Variants in CDKL5 observed in about 807,000 individuals in gnomAD.
CDKL5 encodes the protein cyclin dependent kinase like 5, also known as cyclin-dependent kinase-like 5.
A neutral mutation model predicts 61.7 loss-of-function variants in CDKL5; 8 were observed. The ratio of observed to expected loss-of-function variants is 0.13; its 90% CI spans 0.08 to 0.23. CDKL5 has a LOEUF of 0.23. CDKL5 is among the 10% of genes least tolerant of loss of function. CDKL5 has a pLI of 1.00. For synonymous variants in CDKL5, 275 were observed against 272.3 expected, an observed-to-expected ratio of 1.01 and a Z score of -0.10; for missense variants, 440 against 734.5, an observed-to-expected ratio of 0.60 and a Z score of 4.63.
In CDKL5 at chrX:18,634,809, C is replaced by A; in HGVS notation, c.*6052C>A. ...GAATTGCTTTGTGCCATTTTGAATT[C>A]AGGTAGTTATTCTGTATATACTTAG... is the stretch of plus-strand genomic sequence containing the variant. On this transcript the variant is annotated 3_prime_UTR_variant, in exon 18 of 18. Coordinates refer to ENST00000623535, the MANE Select transcript of CDKL5 (RefSeq NM_001323289.2). 1.3e-6 allele frequency: 1 copy of A among 751,936 alleles called. No homozygotes were observed. Among genetic ancestry groups the A allele is most frequent in the Non-Finnish European group, 1.6e-6 (1 of 637,762 alleles). 62.0% of individuals were successfully genotyped at this position (751,936 alleles called of 1,213,427 possible).
intron 1 of CDKL5, among the ~76,000 whole-genome samples, chrX:18,505,342 A>G (rs1922540570): frequency 8.9e-6 from 1 of 112,281 alleles, no homozygotes; most frequent in Admixed American, 9.5e-5. Flanking sequence ...AAGTACTAAT[A>G]TGAAAATTAG....
chrX:18,552,237 CAA>C (rs777290725), intron 3 of CDKL5, among the ~76,000 whole-genome samples: 8 of 38,736 alleles, frequency 2.1e-4, no homozygotes, highest in Non-Finnish European at 2.5e-4. Context: ...GACTCCGTCT[CAA>C]AAAAAAAAAA....
intron 1 of CDKL5, among the ~76,000 whole-genome samples, chrX:18,499,979 A>G (rs1274589242): frequency 9.0e-6 from 1 of 111,484 alleles, no homozygotes; most frequent in African/African-American, 3.3e-5. Context: ...AACCACCTTA[A>G]TCCAAAGTAC....
chrX:18,480,024 A>G (rs751767968), intron 1 of CDKL5, among the ~76,000 whole-genome samples: 8 of 112,509 alleles, frequency 7.1e-5, no homozygotes, highest in Non-Finnish European at 1.3e-4. Flanking sequence ...GGTATGATAC[A>G]TTCATTCTAA....
chrX:18,474,482 A>G (rs1921228773), intron 1 of CDKL5, among the ~76,000 whole-genome samples: 1 of 112,007 alleles, frequency 8.9e-6, no homozygotes. Flanking sequence ...ATAGAAGTTT[A>G]TCACTTGTGG....
At chrX:18,568,742 A>G (rs1925047805) in intron 4 of CDKL5, among the ~76,000 whole-genome samples, 1 of 110,157 alleles carries the variant, frequency 9.1e-6, no homozygotes, top group Admixed American at 9.8e-5. Flanking sequence ...ATCCCAGGGT[A>G]GAGTACAGTA....
At chrX:18,567,051 C>G (rs1924991892) in intron 4 of CDKL5, among the ~76,000 whole-genome samples, 1 of 111,970 alleles carries the variant, frequency 8.9e-6, no homozygotes, top group African/African-American at 3.2e-5. Context: ...TCATTCCAGT[C>G]TGGCCCACTT....
At chrX:18,448,179 A>C (rs1931925089) in intron 1 of CDKL5, among the ~76,000 whole-genome samples, 1 of 111,821 alleles carries the variant, frequency 8.9e-6, no homozygotes, top group African/African-American at 3.3e-5. Flanking sequence ...CTTTTCCTCA[A>C]ACTTCGTTTT....
rs187449973 is a variant in CDKL5 at position 18,584,558 on chromosome X, C to T, written c.554+205C>T. ...AGAATTCTGGGTGTGGGGGAATCAC[C>T]AGTTTGAGTTCAGCTGGATGGTTCT... On this transcript the variant is annotated intron_variant, in intron 8 of 17. Transcript: ENST00000623535. 3.9e-3 allele frequency among the ~76,000 whole-genome samples: 439 copies of T among 111,753 alleles called. 4 individuals are homozygous for T. In the Middle Eastern group the frequency reaches 0.047, roughly 12 times the overall value.
intron 17 of CDKL5, chrX:18,627,862 G>A (rs1409456811): frequency 9.0e-6 from 1 of 111,341 alleles, no homozygotes; most frequent in East Asian, 2.8e-4. Context: ...AGGGAAATTG[G>A]GGAGATAAGA....
At chrX:18,433,201 C>T (rs1282813508) in intron 1 of CDKL5, among the ~76,000 whole-genome samples, 1 of 106,206 alleles carries the variant, frequency 9.4e-6, no homozygotes, top group Non-Finnish European at 1.9e-5. Context: ...GCACTCCAGC[C>T]TGGGCAACAG....
At chrX:18,650,602 G>C in intron 21 of CDKL5, 1 of 1,210,858 alleles carries the variant, frequency 8.3e-7, no homozygotes, top group Non-Finnish European at 1.1e-6. Context: ...GGTAAGCAGA[G>C]ACTCTAGACC....
intron 4 of CDKL5, 104 bp from the exon 5 acceptor site, chrX:18,575,250 C>A: frequency 1.4e-6 from 1 of 717,115 alleles, no homozygotes; most frequent in Non-Finnish European, 2.1e-6. Context: ...CAGAAGTACT[C>A]AAAGCAGAAG....
At chrX:18,497,354 A>G (rs183894124) in intron 1 of CDKL5, 9 of 111,470 alleles carry the variant, frequency 8.1e-5, no homozygotes, top group Admixed American at 6.7e-4. Context: ...TTTCCTTACC[A>G]GTTCCTCATC....
In CDKL5 at chrX:18,652,601, A is replaced by G. The variant is rs749356516; in HGVS notation, c.2981-831A>G. ...GGAGAATCGCTTGAACCCAGGAGGC[A>G]GAGCTTGCAGTGAGCCAAGATCGTG... is the stretch of plus-strand genomic sequence containing the variant. On this transcript the variant is annotated intron_variant, in intron 21 of 21. Coordinates refer to the CDKL5 transcript ENST00000379989. Among the ~76,000 whole-genome samples, 5 of 111,536 alleles carry G rather than the reference A, an allele frequency of 4.5e-5. No individual in the cohort carries two copies. The South Asian group carries it at 1.1e-3, about 25-fold the overall frequency.
intron 3 of CDKL5, among the ~76,000 whole-genome samples, chrX:18,531,435 A>G (rs1016357535): frequency 1.8e-5 from 2 of 111,979 alleles, no homozygotes; most frequent in African/African-American, 6.5e-5. Flanking sequence ...AACTGCAAGA[A>G]CTTAGAGGGC....
rs201714912 is a variant in CDKL5 at position 18,646,008 on chromosome X, C to T, written c.2715C>T (p.Asp905=). Residue 905 remains aspartate, a splice_region_variant and synonymous_variant, in exon 20 of 22, where the codon GAC becomes GAT. Transcript: ENST00000379989. ...CTTTTGTTTCTCCCCACTAACTAGA[C>T]GGTGGATGTGATGGCAGAAGACAGA... The T allele has an allele frequency of 5.5e-5, 67 of 1,209,502 alleles. No homozygotes were observed. The South Asian group carries it at 8.6e-4, about 16-fold the overall frequency.
At chrX:18,579,435 G>T (rs1602271371) in intron 5 of CDKL5, among the ~76,000 whole-genome samples, 1 of 110,465 alleles carries the variant, frequency 9.1e-6, no homozygotes, top group Admixed American at 9.7e-5. Flanking sequence ...GATCTTCCAG[G>T]TGTATTTTCA....
At chrX:18,538,387 TC>T (rs2147114174) in intron 3 of CDKL5, among the ~76,000 whole-genome samples, 1 of 112,075 alleles carries the variant, frequency 8.9e-6, no homozygotes, top group African/African-American at 3.2e-5. Context: ...GCTTGCTTTT[TC>T]ATTCTCTTAA....
Sources: gnomAD v4.1 joint callset for allele counts (sites outside exome capture counted in the v4.1 genomes callset) on GRCh38, gnomAD v4.1.1 for gene constraint, MANE v1.5 for transcripts, NCBI Gene and HGNC (gene_info 2026-07-23, HGNC 2026-07-21) for gene names.